The following COG4 variants were observed in gnomAD, a reference collection of about 807,000 sequenced individuals.
The protein encoded by COG4 is conserved oligomeric Golgi complex subunit 4.
In COG4, 65 loss-of-function variants were observed where a neutral mutation model predicts 95.1. That is an observed-to-expected ratio of 0.68 (90% confidence interval 0.56 to 0.84). The LOEUF (loss-of-function observed/expected upper bound fraction) is 0.84, where lower values mean the gene tolerates loss of function less well. Among genes scored for constraint, COG4 ranks in the 40% least tolerant of loss-of-function variants. The pLI is 0.00. For missense variants in COG4, 1,045 were observed against 989.1 expected, an observed-to-expected ratio of 1.06 and a Z score of -0.76; for synonymous variants, 421 against 374.8, an observed-to-expected ratio of 1.12 and a Z score of -1.42.
chr16:70,504,050 G>A (rs1174257435), intron 8 of COG4, among the ~76,000 whole-genome samples: 1 of 152,146 alleles, frequency 6.6e-6, no homozygotes. Flanking sequence ...TCTAGAGTCA[G>A]ACTGCTTGGA....
At chr16:70,499,949 C>T (rs566673755) in intron 9 of COG4, among the ~76,000 whole-genome samples, 5 of 151,504 alleles carry the variant, frequency 3.3e-5, no homozygotes, top group African/African-American at 7.3e-5. Flanking sequence ...CGTGAGCCAC[C>T]GCGCCCGACC....
At chr16:70,493,472 T>C (rs1307963957) in intron 12 of COG4, among the ~76,000 whole-genome samples, 1 of 152,118 alleles carries the variant, frequency 6.6e-6, no homozygotes, top group Non-Finnish European at 1.5e-5. Context: ...TTGGGCAGTG[T>C]AGCTCTAGAA....
chr16:70,499,754 G>C (rs1027178886), intron 9 of COG4, among the ~76,000 whole-genome samples: 2 of 151,966 alleles, frequency 1.3e-5, no homozygotes, highest in African/African-American at 4.8e-5. Context: ...CCGCCTCCCG[G>C]GTTCACGCCA....
In COG4 at chr16:70,483,911, A is replaced by G. The variant is rs1597654869; in HGVS notation, c.1769T>C (p.Phe590Ser). ...GIGGEQAQAK[F>S]DSCLSDLAAV... ...GGCCAAGTCAGAAAGGCAGCTGTCA[A>G]ACTTGGCCTGGGCCTGCTCCCCTCC... is the stretch of plus-strand genomic sequence containing the variant. The change falls in exon 14 of 19, where the codon TTT (phenylalanine) becomes TCT (serine). Residue 590 changes from phenylalanine (F) to serine (S), a missense_variant. Coordinates refer to ENST00000323786, the MANE Select transcript of COG4 (RefSeq NM_015386.3). The G allele has an allele frequency of 1.2e-6, 2 of 1,613,350 alleles. No individual in the cohort carries two copies. The highest frequency in any genetic ancestry group is 2.2e-5 in the South Asian group (2 of 91,070).
At chr16:70,505,948 C>G (rs1004036087) in intron 8 of COG4, among the ~76,000 whole-genome samples, 12 of 151,124 alleles carry the variant, frequency 7.9e-5, no homozygotes, top group Non-Finnish European at 1.3e-4. Flanking sequence ...GGGTTCAAGA[C>G]CATCCTGGGC....
At chr16:70,519,048 A>G (rs1433155995) in intron 2 of COG4, among the ~76,000 whole-genome samples, 4 of 151,670 alleles carry the variant, frequency 2.6e-5, no homozygotes, top group African/African-American at 9.7e-5. Context: ...TTGTCAAAAC[A>G]CATCTTCCTG....
intron 5 of COG4, among the ~76,000 whole-genome samples, chr16:70,511,998 T>C (rs552205302): frequency 6.6e-5 from 10 of 150,840 alleles, no homozygotes; most frequent in Admixed American, 5.9e-4. Context: ...TGCTTTCGCC[T>C]GGTCTGTTGG....
intron 3 of COG4, 30 bp downstream of exon 3, chr16:70,517,587 CAAAAAAAAA>C: frequency 4.1e-5 from 21 of 506,156 alleles, no homozygotes; most frequent in East Asian, 3.5e-4. Flanking sequence ...GACCCTGTCT[CAAAAAAAAA>C]AAAAAAAAAA....
At chr16:70,487,968 G>A (rs1489607845) in intron 13 of COG4, among the ~76,000 whole-genome samples, 4 of 151,954 alleles carry the variant, frequency 2.6e-5, no homozygotes, top group African/African-American at 9.7e-5. Context: ...AGGATTACAG[G>A]TGTGCACCAC....
chr16:70,512,349 C>A lies in COG4; in HGVS notation c.628G>T (p.Ala210Ser), dbSNP rs1349851724. 6.2e-7 allele frequency: 1 copy of A among 1,614,136 alleles called. No homozygotes were observed. Among genetic ancestry groups the A allele is most frequent in the Admixed American group, 1.7e-5 (1 of 60,016 alleles). Reference protein sequence around the residue: ...KAIVAEKFAIATKEGDLPQVE... With the variant: ...KAIVAEKFAISTKEGDLPQVE... ...TGGGGCAGATCACCTTCCTTGGTGG[C>A]AATGGCAAACTTCTCTGCCACAATG... The change falls in exon 5 of 19, where the codon GCC becomes TCC. Residue 210 changes from alanine to serine, a missense_variant. Coordinates refer to ENST00000323786, the MANE Select transcript of COG4 (RefSeq NM_015386.3).
chr16:70,483,856 C>T lies in COG4; in HGVS notation c.1824G>A (p.Leu608=). ...AGCAGTTGAACCTGGGGCTTACCTG[C>T]AAGAGGTCTCGGAATTTGTTGGACA... The part of the protein sequence containing the change: ...AAVSNKFRDL[L]QEGLTELNST... The change falls in exon 14 of 19, where the codon TTG becomes TTA. Residue 608 remains leucine (L), a synonymous_variant. Coordinates refer to ENST00000323786, the MANE Select transcript of COG4 (RefSeq NM_015386.3). The T allele has an allele frequency of 6.2e-7, 1 of 1,612,090 alleles. No homozygotes were observed.
At chr16:70,518,341 G>A (rs1205200079) in intron 2 of COG4, among the ~76,000 whole-genome samples, 2 of 152,120 alleles carry the variant, frequency 1.3e-5, no homozygotes, top group Non-Finnish European at 2.9e-5. Flanking sequence ...CATGTGAGAG[G>A]ATGGTGAGAT....
intron 13 of COG4, among the ~76,000 whole-genome samples, chr16:70,489,798 C>G (rs1028899405): frequency 6.6e-6 from 1 of 152,084 alleles, no homozygotes; most frequent in African/African-American, 2.4e-5. Context: ...AGGTCACACG[C>G]CAACTATGTG....
At position 70,509,247 on chromosome 16, in the gene COG4, C is replaced by T. The variant is rs766218986; in HGVS notation, c.986G>A (p.Arg329Lys). Residue 329 changes from arginine (R) to lysine (K), a missense_variant, in exon 7 of 19, where the codon AGG becomes AAG. Transcript: ENST00000323786. The stretch of plus-strand genomic sequence containing the variant: ...CCTGCTCACCTGCTGGTGGTAGTCC[C>T]TTTGCTTGATGAACTTGTCTACCAC... Reference protein sequence around the residue: ...EKVVDKFIKQRDYHQQFRHVQ... With the variant: ...EKVVDKFIKQKDYHQQFRHVQ... 28 of 1,614,072 alleles carry T rather than the reference C, an allele frequency of 1.7e-5. No individual in the cohort carries two copies. Among genetic ancestry groups the T allele is most frequent in the Middle Eastern group, 1.6e-4 (1 of 6,084 alleles).
At chr16:70,521,518 G>C (rs1237269872) in intron 1 of COG4, among the ~76,000 whole-genome samples, 1 of 151,912 alleles carries the variant, frequency 6.6e-6, no homozygotes, top group Admixed American at 6.6e-5. Context: ...CACCAAGCCC[G>C]GCCATATACA....
rs375101885 is a variant in COG4 at position 70,498,039 on chromosome 16, C to G, written c.1212G>C (p.Leu404=). 1.2e-6 allele frequency: 2 copies of G among 1,612,330 alleles called. No individual in the cohort carries two copies. Among genetic ancestry groups the G allele is most frequent in the Non-Finnish European group, 1.7e-6 (2 of 1,178,366 alleles). The part of the protein sequence containing the change: ...EEVKQEHQKC[L]DKLLNNCLLS... ...AAAGGCAGTTATTGAGGAGTTTGTC[C>G]AGACACTTCTGGTGCTCTAGGGGAC... The change falls in exon 10 of 19, where the codon CTG becomes CTC. Residue 404 remains leucine (L), a synonymous_variant. Transcript: ENST00000323786.
At chr16:70,523,277 C>A (rs1482592368) in intron 1 of COG4, 96 bp downstream of exon 1, 5 of 1,461,884 alleles carry the variant, frequency 3.4e-6, no homozygotes, top group East Asian at 2.3e-5. Context: ...TTTTGTATCC[C>A]CCAGCAAGGA....
Position 70,483,896 on chromosome 16 carries a change from G to T in COG4, c.1784C>A (p.Ser595Tyr). 6 of 1,613,434 alleles carry T rather than the reference G, an allele frequency of 3.7e-6. No homozygotes were observed. Among genetic ancestry groups the T allele is most frequent in the Non-Finnish European group, 4.2e-6 (5 of 1,180,022 alleles). ...TTTGTTGGACACGGCGGCCAAGTCA[G>T]AAAGGCAGCTGTCAAACTTGGCCTG... ...QAQAKFDSCL[S>Y]DLAAVSNKFR... is the part of the protein sequence containing the mutation. Residue 595 changes from serine (S) to tyrosine (Y), a missense_variant, in exon 14 of 19, where the codon TCT becomes TAT. By Grantham distance (144) the Ser-to-Tyr change is moderately radical. Transcript: ENST00000323786.
intron 4 of COG4, 151 bp from the exon 5 acceptor site, chr16:70,512,583 T>C (rs2049732153): frequency 1.4e-5 from 10 of 717,784 alleles, no homozygotes; most frequent in Non-Finnish European, 2.5e-5. Context: ...GATTACAAGA[T>C]GAATCAGCCC....
Sources: gnomAD v4.1 joint callset for allele counts (sites outside exome capture counted in the v4.1 genomes callset) on GRCh38, gnomAD v4.1.1 for gene constraint, MANE v1.5 for transcripts, NCBI Gene and HGNC (gene_info 2026-07-23, HGNC 2026-07-21) for gene names.